Variants in SLC2A7 observed in about 807,000 individuals in gnomAD.
The protein encoded by SLC2A7 is solute carrier family 2 member 7, also known as solute carrier family 2, facilitated glucose transporter member 7.
In SLC2A7, 50 loss-of-function variants were observed where a neutral mutation model predicts 50.5. The ratio of observed to expected loss-of-function variants is 0.99; its 90% confidence interval spans 0.79 to 1.25. The LOEUF (loss-of-function observed/expected upper bound fraction) is 1.25. SLC2A7 is among the 50% of genes most tolerant of loss of function. SLC2A7 has a pLI of 0.00. For missense variants in SLC2A7, 683 were observed against 679.1 expected (o/e 1.01, Z -0.06); for synonymous variants, 308 against 300.4 (o/e 1.03, Z -0.26).
the SLC2A7 span, among the ~76,000 whole-genome samples, chr1:8,995,542 C>T: frequency 4.6e-5 from 7 of 150,822 alleles, no homozygotes; most frequent in Non-Finnish European, 7.4e-5. Flanking sequence ...GTCAGGAGTT[C>T]GAGACCAGCC....
intron 10 of SLC2A7, 132 bp downstream of exon 10, chr1:9,007,178 G>T: frequency 1.0e-6 from 1 of 1,003,838 alleles, no homozygotes; most frequent in Non-Finnish European, 1.5e-6. Flanking sequence ...AACTAAGAAC[G>T]TGTGGGATCT....
Position 9,010,136 on chromosome 1 carries a change from G to A in SLC2A7, c.1116+7C>T. The stretch of plus-strand genomic sequence containing the variant: ...CCCCACCCAGGGGGCAGGAAATGAG[G>A]TCAGACCTGGAATAGGAGCACCACC... On this transcript the variant is annotated splice_region_variant and intron_variant, in intron 9 of 11. Transcript: ENST00000400906. 2 of 1,551,982 alleles carry A rather than the reference G, an allele frequency of 1.3e-6. No homozygotes were observed. The highest frequency in any genetic ancestry group is 1.2e-5 in the South Asian group (1 of 84,066).
intron 7 of SLC2A7, 48 bp downstream of exon 7, chr1:9,014,633 C>G: frequency 6.5e-7 from 1 of 1,547,398 alleles, no homozygotes; most frequent in Non-Finnish European, 8.7e-7. Context: ...ATCCATGAAG[C>G]CTGGGTCTGC....
intron 8 of SLC2A7, 127 bp from the exon 9 acceptor site, chr1:9,010,371 T>C (rs1376951305): frequency 1.4e-6 from 1 of 739,814 alleles, no homozygotes; most frequent in Non-Finnish European, 2.2e-6. Context: ...TTCTTTCTTT[T>C]TTTTTAAACG....
chr1:9,022,355 C>T (rs1640923894), intron 3 of SLC2A7, among the ~76,000 whole-genome samples: 4 of 152,152 alleles, frequency 2.6e-5, no homozygotes, highest in Admixed American at 6.5e-5. Flanking sequence ...TGTGGAGTCA[C>T]GTCTTTGGAG....
rs761127530 is a variant in SLC2A7 at position 9,004,331 on chromosome 1, T to TA, written c.1320+420dup. Among the ~76,000 whole-genome samples, 123 of 119,832 alleles carry TA rather than the reference T, an allele frequency of 1.0e-3. 1 individual carries two copies. Among genetic ancestry groups the TA allele is most frequent in the East Asian group, 2.7e-3 (11 of 4,100 alleles). The allele number at this position is 119,832 out of a possible 152,430, so 78.6% of individuals were successfully genotyped here. ...CTGGGTGACAGAGCAAGGCCCTGTCTAAAAAAAAAAAAAAAAGACTGCTTA... is the reference window on the plus strand; with the variant it reads ...CTGGGTGACAGAGCAAGGCCCTGTCTAAAAAAAAAAAAAAAAAGACTGCTTA... On this transcript the variant is annotated intron_variant, in intron 11 of 11. Coordinates refer to ENST00000400906, the MANE Select transcript of SLC2A7 (RefSeq NM_207420.3).
intron 7 of SLC2A7, 76 bp downstream of exon 7, chr1:9,014,605 G>C (rs1040687411): frequency 6.6e-7 from 1 of 1,521,836 alleles, no homozygotes; most frequent in East Asian, 2.5e-5. Context: ...GCCTCTGTGG[G>C]TGGAACTGTG....
chr1:9,018,948 G>A (rs972681662), intron 4 of SLC2A7, among the ~76,000 whole-genome samples: 1 of 152,176 alleles, frequency 6.6e-6, no homozygotes, highest in Non-Finnish European at 1.5e-5. Flanking sequence ...TTGGGAGGCC[G>A]AGACAGGAGG....
chr1:9,024,694 G>A (rs1640968216), intron 2 of SLC2A7, among the ~76,000 whole-genome samples: 1 of 152,128 alleles, frequency 6.6e-6, no homozygotes, highest in Non-Finnish European at 1.5e-5. Context: ...GAGAGCAGTG[G>A]GACCTGAGGC....
Position 9,009,672 on chromosome 1 carries a change from G to A in SLC2A7, c.1116+471C>T, listed in dbSNP as rs532295025. Among the ~76,000 whole-genome samples, 6 of 152,262 alleles carry A rather than the reference G, an allele frequency of 3.9e-5. No homozygotes were observed. The East Asian group carries it at 9.7e-4, about 25-fold the overall frequency. On this transcript the variant is annotated intron_variant, in intron 9 of 11. Coordinates refer to ENST00000400906, the MANE Select transcript of SLC2A7 (RefSeq NM_207420.3). Reference sequence around the variant, plus strand: ...GGGGTCTCACCATGTTGTTCAGACTGGTCTTGAGCTCCTGGGCTCAATGGG... The same window carrying A: ...GGGGTCTCACCATGTTGTTCAGACTAGTCTTGAGCTCCTGGGCTCAATGGG...
intron 10 of SLC2A7, among the ~76,000 whole-genome samples, chr1:9,005,272 C>T (rs773682354): frequency 2.6e-5 from 4 of 152,194 alleles, no homozygotes; most frequent in South Asian, 2.1e-4. Flanking sequence ...CTTGAGACCG[C>T]CCGCGCTTGG....
chr1:9,026,265 C>T (rs1389851133), intron 1 of SLC2A7, 30 bp downstream of exon 1: 3 of 1,604,486 alleles, frequency 1.9e-6, no homozygotes, highest in East Asian at 2.2e-5. Flanking sequence ...GGGAGAGGGA[C>T]AGTGACAGGT....
chr1:9,014,979 C>T, intron 6 of SLC2A7, 111 bp from the exon 7 acceptor site: 1 of 1,503,246 alleles, frequency 6.7e-7, no homozygotes, highest in South Asian at 1.3e-5. Flanking sequence ...TGGTTGTGCC[C>T]CAGTTGCCAC....
At chr1:9,022,081 C>T (rs1640920578) in intron 3 of SLC2A7, among the ~76,000 whole-genome samples, 2 of 152,218 alleles carry the variant, frequency 1.3e-5, no homozygotes, top group African/African-American at 4.8e-5. Context: ...ATGAATCTTG[C>T]ATTAATTAAT....
rs573196908 is a variant in SLC2A7, at chr1:9,004,939, C to T, written c.1193-60G>A. The T allele has an allele frequency of 5.7e-5, 88 of 1,553,708 alleles. 1 individual carries two copies. In the African/African-American group the frequency reaches 6.6e-4, roughly 12 times the overall value. Reference sequence around the variant, plus strand: ...GGACCCAGGTGTCCCCCAGGGCTGGCGGGACGCGGCCCACTCTAGCCTCTG... The same window carrying T: ...GGACCCAGGTGTCCCCCAGGGCTGGTGGGACGCGGCCCACTCTAGCCTCTG... On this transcript the variant is annotated intron_variant, in intron 10 of 11. Transcript: ENST00000400906.
the SLC2A7 span, among the ~76,000 whole-genome samples, chr1:8,993,301 G>A: frequency 1.1e-4 from 17 of 152,204 alleles, no homozygotes; most frequent in Admixed American, 2.6e-4. Flanking sequence ...CTCCCACAAC[G>A]TGTGGGAATT....
chr1:9,025,618 C>G (rs959816797), intron 1 of SLC2A7, among the ~76,000 whole-genome samples: 1 of 152,128 alleles, frequency 6.6e-6, no homozygotes, highest in African/African-American at 2.4e-5. Context: ...GTGTAAGCAT[C>G]GGGGGGAAGA....
At chr1:9,000,733 T>C (rs181924587), downstream of SLC2A7, among the ~76,000 whole-genome samples, 41 of 151,156 alleles carry the variant, frequency 2.7e-4, no homozygotes, top group Non-Finnish European at 5.3e-4. Context: ...GCAAACAGCA[T>C]GTGACTTTCC....
intron 1 of SLC2A7, 55 bp from the exon 2 acceptor site, chr1:9,025,129 G>A: frequency 1.9e-6 from 3 of 1,562,030 alleles, no homozygotes; most frequent in Non-Finnish European, 2.6e-6. Context: ...TCGGGAAGTG[G>A]AGTGGCTGGG....
Sources: gnomAD v4.1 joint callset for allele counts (sites outside exome capture counted in the v4.1 genomes callset) on GRCh38, gnomAD v4.1.1 for gene constraint, MANE v1.5 for transcripts, NCBI Gene and HGNC (gene_info 2026-07-23, HGNC 2026-07-21) for gene names.